Variants in APBA2 observed in about 807,000 individuals in gnomAD.
APBA2 encodes amyloid-beta A4 precursor protein-binding family A member 2.
A neutral mutation model predicts 75.0 loss-of-function variants in APBA2; 30 were observed. The observed-to-expected ratio is 0.40, with a 90% CI of 0.30 to 0.54. The LOEUF is 0.54. APBA2 is among the 20% of genes least tolerant of loss of function. APBA2 has a pLI of 0.49. For missense variants in APBA2, 801 were observed against 1,016.1 expected (o/e 0.79, Z 2.88); for synonymous variants, 444 against 409.6 (o/e 1.08, Z -1.01).
intron 8 of APBA2, 30 bp from the exon 9 acceptor site, chr15:29,098,460 G>T (rs774319031): frequency 6.4e-7 from 1 of 1,573,974 alleles, no homozygotes; most frequent in Non-Finnish European, 8.7e-7. Context: ...TTGGTTTTTG[G>T]ACTTTAACAA....
rs531058349 is a variant in APBA2, at chr15:29,097,099, C to A, written c.1252-1391C>A. Among the ~76,000 whole-genome samples, 4 of 152,354 alleles carry A rather than the reference C, an allele frequency of 2.6e-5. No homozygotes were observed. In the South Asian group the frequency reaches 8.3e-4, roughly 32 times the overall value. ...GCTGTGAGGACAGCACTTAGGCCAG[C>A]CCCAGGGCTCAGTCCCCCAAGGACG... On this transcript the variant is annotated intron_variant, in intron 8 of 14. Coordinates refer to ENST00000683413, the MANE Select transcript of APBA2 (RefSeq NM_001353788.2).
intron 13 of APBA2, among the ~76,000 whole-genome samples, chr15:29,111,085 G>A (rs2044703569): frequency 6.6e-6 from 1 of 152,138 alleles, no homozygotes; most frequent in Admixed American, 6.5e-5. Context: ...CAGTGAGGAA[G>A]GAGTCATGTG....
At chr15:28,931,278 G>A (rs907748981) in intron 2 of APBA2, among the ~76,000 whole-genome samples, 4 of 152,182 alleles carry the variant, frequency 2.6e-5, no homozygotes, top group Non-Finnish European at 4.4e-5. Flanking sequence ...ATCTCATCCC[G>A]CTGCTGGTGG....
chr15:29,094,239 T>C (rs1235749571), intron 7 of APBA2, 39 bp from the exon 8 acceptor site: 7 of 1,611,680 alleles, frequency 4.3e-6, no homozygotes, highest in Non-Finnish European at 5.9e-6. Context: ...TCCTTCTCTC[T>C]GTGCCAACTT....
intron 2 of APBA2, among the ~76,000 whole-genome samples, chr15:28,944,582 G>A (rs1475522027): frequency 6.6e-6 from 1 of 152,246 alleles, no homozygotes; most frequent in Non-Finnish European, 1.5e-5. Context: ...GTCCCCTAAG[G>A]TGTGAGTTCC....
intron 14 of APBA2, among the ~76,000 whole-genome samples, chr15:29,115,081 G>A (rs1310098775): frequency 6.6e-6 from 1 of 151,966 alleles, no homozygotes; most frequent in Non-Finnish European, 1.5e-5. Flanking sequence ...CGTGGTGGCC[G>A]CACGAGGCGG....
At chr15:29,031,727 A>G (rs186972325) in intron 3 of APBA2, among the ~76,000 whole-genome samples, 197 of 152,314 alleles carry the variant, frequency 1.3e-3, no homozygotes, top group African/African-American at 4.0e-3. Context: ...CTTGCTAGCT[A>G]CAGAGTGCTG....
chr15:29,054,886 G>A lies in APBA2; in HGVS notation c.951+51G>A, dbSNP rs753313088. On this transcript the variant is annotated intron_variant, in intron 4 of 14. Coordinates refer to ENST00000683413, the MANE Select transcript of APBA2 (RefSeq NM_001353788.2). The surrounding 1 kb of genome is among the most constrained non-coding windows in gnomAD (Gnocchi z 6.1). The stretch of plus-strand genomic sequence containing the variant: ...GGGAGCAGAGGGGCCCGAGAGCAAG[G>A]GACCTCAGGGTACAGGCCTTGCAGA... 12 of 1,539,330 alleles carry A rather than the reference G, an allele frequency of 7.8e-6. No homozygotes were observed. Among genetic ancestry groups the A allele is most frequent in the Non-Finnish European group, 1.1e-5 (12 of 1,139,768 alleles).
intron 3 of APBA2, among the ~76,000 whole-genome samples, chr15:28,997,382 T>A (rs915032754): frequency 6.6e-6 from 1 of 152,220 alleles, no homozygotes; most frequent in Non-Finnish European, 1.5e-5. Context: ...ACTTTTGTGC[T>A]CTCAACAGGC....
At chr15:28,915,674 A>T (rs1273736273) in intron 1 of APBA2, among the ~76,000 whole-genome samples, 1 of 151,414 alleles carries the variant, frequency 6.6e-6, no homozygotes, top group East Asian at 1.9e-4. Flanking sequence ...CACACCATGC[A>T]CATCCCATAC....
At chr15:29,055,082 C>T (rs974876669) in intron 4 of APBA2, among the ~76,000 whole-genome samples, 14 of 152,198 alleles carry the variant, frequency 9.2e-5, no homozygotes, top group Non-Finnish European at 7.3e-5. Flanking sequence ...ACTCGTGTCT[C>T]GCAGAAGACA....
chr15:29,117,946 A>T lies in APBA2; in HGVS notation c.*813A>T, dbSNP rs903357909. 6.6e-6 allele frequency: 1 copy of T among 152,170 alleles called. No homozygotes were observed. Among genetic ancestry groups the T allele is most frequent in the African/African-American group, 2.4e-5 (1 of 41,332 alleles). The allele number at this position is 152,170 out of a possible 1,614,324, so 9.4% of individuals were successfully genotyped here. On this transcript the variant is annotated 3_prime_UTR_variant, in exon 15 of 15. Transcript: ENST00000683413. The stretch of plus-strand genomic sequence containing the variant: ...AATCGATCTACACACATCCACGCAC[A>T]TGCGACCCCGAGGAAACGAAACCCA...
intron 1 of APBA2, among the ~76,000 whole-genome samples, chr15:28,897,642 A>G (rs2032585795): frequency 6.8e-6 from 1 of 147,114 alleles, no homozygotes; most frequent in African/African-American, 2.7e-5. Context: ...AAAAAAGAGA[A>G]AAAGAGCAGA....
At chr15:28,903,137 C>T (rs568385152) in intron 1 of APBA2, among the ~76,000 whole-genome samples, 9 of 152,284 alleles carry the variant, frequency 5.9e-5, no homozygotes, top group South Asian at 2.1e-4. Flanking sequence ...CTGATGATGC[C>T]GGCAGCAGTG....
At chr15:28,977,832 A>T (rs117070495) in intron 2 of APBA2, among the ~76,000 whole-genome samples, 6,296 of 152,066 alleles carry the variant, frequency 0.041, 167 homozygotes, top group South Asian at 0.091. Flanking sequence ...AACCCTACTG[A>T]CTGGCTGTTG....
In APBA2 at chr15:29,054,893, AG is replaced by A; in HGVS notation, c.951+61del. 1.3e-6 allele frequency: 2 copies of A among 1,514,868 alleles called. No individual in the cohort carries two copies. The highest frequency in any genetic ancestry group is 1.8e-6 in the Non-Finnish European group (2 of 1,119,422). 93.8% of individuals were successfully genotyped at this position (1,514,868 alleles called of 1,614,324 possible). ...GAGGGGCCCGAGAGCAAGGGACCTC[AG>A]GGTACAGGCCTTGCAGATGCTGAAG... On this transcript the variant is annotated intron_variant, in intron 4 of 14. Transcript: ENST00000683413. The surrounding 1 kb of genome is among the most constrained non-coding windows in gnomAD (Gnocchi z 6.1).
At position 28,958,349 on chromosome 15, in the gene APBA2, G is replaced by T. The variant is rs545394678; in HGVS notation, c.-95+36600G>T. The stretch of plus-strand genomic sequence containing the variant: ...ACCATTACTGGGCCCAGGCCCTGTG[G>T]CGTGGGAGCTGTTTGTTGTCACAGC... On this transcript the variant is annotated intron_variant, in intron 2 of 14. Transcript: ENST00000683413. 4.6e-5 allele frequency among the ~76,000 whole-genome samples: 7 copies of T among 152,378 alleles called. No homozygotes were observed. In the South Asian group the frequency reaches 1.4e-3, roughly 32 times the overall value.
At chr15:28,888,181 G>A (rs138385408) in intron 1 of APBA2, among the ~76,000 whole-genome samples, 111 of 152,268 alleles carry the variant, frequency 7.3e-4, no homozygotes, top group Non-Finnish European at 1.3e-3. Flanking sequence ...GGCATAATTG[G>A]TGGGGATGGA....
intron 2 of APBA2, among the ~76,000 whole-genome samples, chr15:28,962,433 G>A (rs2036526246): frequency 6.6e-6 from 1 of 152,060 alleles, no homozygotes. Context: ...ACTGGGCATG[G>A]TGGCGGGCGC....
Sources: allele counts gnomAD v4.1 joint callset (sites outside exome capture counted in the v4.1 genomes callset), GRCh38; gene constraint gnomAD v4.1.1; non-coding constraint Gnocchi (gnomAD v3.1); transcripts MANE v1.5; gene names NCBI Gene and HGNC (gene_info 2026-07-23, HGNC 2026-07-21).